BCL11A: variants seen among roughly 807,000 people sequenced by gnomAD.
BCL11A encodes the protein BCL11 transcription factor A.
A neutral mutation model predicts 55.9 loss-of-function variants in BCL11A; 2 were observed. That is an observed-to-expected ratio of 0.04 (90% CI 0.01 to 0.11). The LOEUF is 0.11. BCL11A is among the 10% of genes least tolerant of loss of function. The pLI is 1.00. For synonymous variants in BCL11A, 465 were observed against 473.4 expected (o/e 0.98, Z 0.23); for missense variants, 817 against 1,137.1 (o/e 0.72, Z 4.05).
intron 3 of BCL11A, among the ~76,000 whole-genome samples, chr2:60,467,582 G>A (rs1423191251): frequency 1.8e-5 from 1 of 55,154 alleles, no homozygotes; most frequent in Non-Finnish European, 3.5e-5. Flanking sequence ...GGTGGTAATG[G>A]TGGTGGTGGT....
At position 60,460,041 on chromosome 2, in the gene BCL11A, T is replaced by C; in HGVS notation, c.*363A>G. ...AATAGCCATAACATACCATACATGCTGTCTAAGTTTAAAAAAAAACATACA... is the reference window on the plus strand; with the variant it reads ...AATAGCCATAACATACCATACATGCCGTCTAAGTTTAAAAAAAAACATACA... On this transcript the variant is annotated 3_prime_UTR_variant, in exon 4 of 4. Coordinates refer to ENST00000642384, the MANE Select transcript of BCL11A (RefSeq NM_022893.4). 9.2e-7 allele frequency: 1 copy of C among 1,086,098 alleles called. No homozygotes were observed. The highest frequency in any genetic ancestry group is 1.1e-6 in the Non-Finnish European group (1 of 893,292). The allele number at this position is 1,086,098 out of a possible 1,614,324, so 67.3% of individuals were successfully genotyped here. A position where few individuals can be genotyped will look rare whatever the true frequency, so the allele number is the denominator to read the frequency against.
chr2:60,525,760 A>AG (rs1271348724), intron 2 of BCL11A: 5 of 152,256 alleles, frequency 3.3e-5, no homozygotes, highest in Non-Finnish European at 7.3e-5. Context: ...TTTTCAGATC[A>AG]GTGTCTCTCT....
intron 2 of BCL11A, chr2:60,544,819 G>A (rs1670077568): frequency 1.3e-5 from 2 of 152,216 alleles, no homozygotes; most frequent in Admixed American, 6.5e-5. Flanking sequence ...TGTCATCACA[G>A]AATCTGCATT....
At chr2:60,452,689 G>A (rs1165581769), downstream of BCL11A, 3 of 1,575,282 alleles carry the variant, frequency 1.9e-6, no homozygotes, top group African/African-American at 1.4e-5. Context: ...TGGAGACAGA[G>A]GAGGGGGAAA....
intron 2 of BCL11A, among the ~76,000 whole-genome samples, chr2:60,503,636 T>A (rs563080090): frequency 3.7e-4 from 56 of 152,154 alleles, no homozygotes; most frequent in Non-Finnish European, 5.9e-4. Context: ...CACCCAGCAG[T>A]TCCTACCCAG....
intron 2 of BCL11A, among the ~76,000 whole-genome samples, chr2:60,472,325 C>A (rs1280328824): frequency 2.0e-5 from 3 of 152,342 alleles, no homozygotes; most frequent in Middle Eastern, 3.4e-3. Context: ...AGGAACTGGA[C>A]TCTTGTTTCC....
intron 2 of BCL11A, among the ~76,000 whole-genome samples, chr2:60,507,029 T>C (rs907385187): frequency 6.6e-6 from 1 of 151,884 alleles, no homozygotes; most frequent in Non-Finnish European, 1.5e-5. Flanking sequence ...ACTATAAAAA[T>C]AAACAGTAAC....
At chr2:60,491,987 G>A (rs960699582) in intron 2 of BCL11A, among the ~76,000 whole-genome samples, 1 of 152,218 alleles carries the variant, frequency 6.6e-6, no homozygotes, top group African/African-American at 2.4e-5. Context: ...GAAGATGGAT[G>A]TAGGAAAAAC....
intron 2 of BCL11A, among the ~76,000 whole-genome samples, chr2:60,506,402 T>A (rs1236829316): frequency 6.6e-6 from 1 of 152,238 alleles, no homozygotes; most frequent in Non-Finnish European, 1.5e-5. Context: ...TCAGACAGTG[T>A]TCCTCAGATC....
intron 2 of BCL11A, chr2:60,535,028 C>T (rs568003716): frequency 4.6e-5 from 7 of 152,224 alleles, no homozygotes; most frequent in African/African-American, 1.7e-4. Flanking sequence ...GCTGACAGGC[C>T]AGCCTGATGT....
At chr2:60,452,628 C>T (rs766860941), downstream of BCL11A, 2 of 1,613,986 alleles carry the variant, frequency 1.2e-6, no homozygotes, top group South Asian at 2.2e-5. Flanking sequence ...ACATCTTGAG[C>T]TCTCTGGGTA....
chr2:60,483,323 T>C (rs1678067616), intron 2 of BCL11A, among the ~76,000 whole-genome samples: 1 of 152,180 alleles, frequency 6.6e-6, no homozygotes, highest in African/African-American at 2.4e-5. Flanking sequence ...TCAGCTCCAT[T>C]CAGGCCTTTG....
chr2:60,488,695 A>G (rs943885135), intron 2 of BCL11A, among the ~76,000 whole-genome samples: 1 of 152,230 alleles, frequency 6.6e-6, no homozygotes, highest in South Asian at 2.1e-4. Context: ...TCAATAGCCA[A>G]AGATCCAAAA....
chr2:60,464,308 T>C (rs1676480726), intron 3 of BCL11A, among the ~76,000 whole-genome samples: 1 of 152,232 alleles, frequency 6.6e-6, no homozygotes, highest in African/African-American at 2.4e-5. Context: ...CCTATTTTTG[T>C]TTGCCTCCTC....
intron 2 of BCL11A, chr2:60,544,981 T>A (rs1042525265): frequency 2.0e-5 from 3 of 152,242 alleles, no homozygotes; most frequent in African/African-American, 4.8e-5. Context: ...CCTAGCTGCC[T>A]CCCTGCTAAA....
chr2:60,458,691 A>G lies in BCL11A; in HGVS notation c.*1713T>C, dbSNP rs1167185759. On this transcript the variant is annotated 3_prime_UTR_variant, in exon 4 of 4. Transcript: ENST00000642384. ...TTCTTGCAACTTTTCCCTTAAGTAT[A>G]GACCTGTAAACTGGGAAAATTGTAC... 2 of 1,028,888 alleles carry G rather than the reference A, an allele frequency of 1.9e-6. No individual in the cohort carries two copies. Among genetic ancestry groups the G allele is most frequent in the Admixed American group, 5.7e-5 (1 of 17,400 alleles). The allele number at this position is 1,028,888 out of a possible 1,614,324, so 63.7% of individuals were successfully genotyped here. A position where few individuals can be genotyped will look rare whatever the true frequency, so the allele number is the denominator to read the frequency against.
At chr2:60,488,126 T>C (rs926581211) in intron 2 of BCL11A, among the ~76,000 whole-genome samples, 12 of 152,264 alleles carry the variant, frequency 7.9e-5, no homozygotes, top group African/African-American at 2.9e-4. Flanking sequence ...ATTTAAATTA[T>C]CCTGGAAGAG....
downstream of BCL11A, among the ~76,000 whole-genome samples, chr2:60,455,065 T>C (rs1261007426): frequency 1.3e-5 from 2 of 152,196 alleles, no homozygotes; most frequent in African/African-American, 4.8e-5. Context: ...AGCAAATGGG[T>C]TCAGGAAGGA....
chr2:60,530,861 T>A (rs1202926616), intron 2 of BCL11A, among the ~76,000 whole-genome samples: 2 of 152,034 alleles, frequency 1.3e-5, no homozygotes, highest in African/African-American at 2.4e-5. Context: ...TTCTCCTACC[T>A]CTTTCGAGCT....
Sources: gnomAD v4.1 joint callset for allele counts (sites outside exome capture counted in the v4.1 genomes callset) on GRCh38, gnomAD v4.1.1 for gene constraint, MANE v1.5 for transcripts, NCBI Gene and HGNC (gene_info 2026-07-23, HGNC 2026-07-21) for gene names.